Variants in THSD7A observed in about 807,000 individuals in gnomAD.
THSD7A encodes thrombospondin type 1 domain containing 7A.
A neutral mutation model predicts 231.3 loss-of-function variants in THSD7A; 96 were observed. That is an observed-to-expected ratio of 0.41 (90% CI 0.35 to 0.49). The LOEUF is 0.49. Among genes scored for constraint, THSD7A ranks in the 20% least tolerant of loss-of-function variants. THSD7A has a pLI of 0.05. For synonymous variants in THSD7A, 940 were observed against 743.3 expected, an observed-to-expected ratio of 1.26 and a Z score of -4.30; for missense variants, 2,290 against 2,070.2, an observed-to-expected ratio of 1.11 and a Z score of -2.06.
At chr7:11,465,446 G>A (rs1785664902) in intron 9 of THSD7A, among the ~76,000 whole-genome samples, 1 of 151,802 alleles carries the variant, frequency 6.6e-6, no homozygotes, top group Admixed American at 6.6e-5. Flanking sequence ...GTGATGATGG[G>A]GTACACAGAT....
intron 11 of THSD7A, among the ~76,000 whole-genome samples, chr7:11,459,501 C>A (rs1785421424): frequency 6.6e-6 from 1 of 151,892 alleles, no homozygotes; most frequent in African/African-American, 2.4e-5. Flanking sequence ...AAGGGAGTCA[C>A]AGTTATGTTT....
intron 6 of THSD7A, among the ~76,000 whole-genome samples, chr7:11,512,830 T>G: frequency 6.7e-6 from 1 of 148,934 alleles, no homozygotes. Flanking sequence ...CTAATGTAAA[T>G]GACGAGTTAA....
rs58931693 is a variant in THSD7A, at chr7:11,780,997, C to CAAAAAAAAAAAA, written c.190+50748_190+50759dup. ...TGGGCGACAGAGCGAGACTCCGTCTCAAAAAAAAAAAAAAAAAAAAAAAAA... is the reference window on the plus strand; with the variant it reads ...TGGGCGACAGAGCGAGACTCCGTCTCAAAAAAAAAAAAAAAAAAAAAAAAAAAAAAAAAAAAA... On this transcript the variant is annotated intron_variant, in intron 1 of 27. Transcript: ENST00000423059. 1.5e-3 allele frequency among the ~76,000 whole-genome samples: 52 copies of CAAAAAAAAAAAA among 34,448 alleles called. 5 individuals carry two copies. The highest frequency in any genetic ancestry group is 2.0e-3 in the Non-Finnish European group (38 of 18,860). 22.6% of individuals were successfully genotyped at this position (34,448 alleles called of 152,430 possible).
At chr7:11,721,678 A>G (rs1188519435) in intron 1 of THSD7A, among the ~76,000 whole-genome samples, 1 of 151,872 alleles carries the variant, frequency 6.6e-6, no homozygotes, top group Non-Finnish European at 1.5e-5. Flanking sequence ...TCTTACACCT[A>G]GTATTTCTCC....
In THSD7A at chr7:11,800,720, G is replaced by T. The variant is rs540585433; in HGVS notation, c.190+31037C>A. ...GAGAATAGAATTTTGGTTGCCAGGG[G>T]CTGAGGGGAGAGGGAAATGGAGAAT... On this transcript the variant is annotated intron_variant, in intron 1 of 27. Coordinates refer to ENST00000423059, the MANE Select transcript of THSD7A (RefSeq NM_015204.3). Among the ~76,000 whole-genome samples the T allele has an allele frequency of 6.6e-5, 10 of 152,234 alleles. No individual in the cohort carries two copies. The East Asian group carries it at 1.4e-3, about 21-fold the overall frequency.
chr7:11,495,402 G>T (rs1316416949), intron 6 of THSD7A, among the ~76,000 whole-genome samples: 1 of 152,000 alleles, frequency 6.6e-6, no homozygotes, highest in Non-Finnish European at 1.5e-5. Flanking sequence ...AGAAAGAAGA[G>T]AAATAAACAG....
In THSD7A at chr7:11,371,085, T is replaced by A. The variant is rs1277856153; in HGVS notation, c.*4709A>T. The A allele has an allele frequency of 6.6e-6, 1 of 152,208 alleles. No individual in the cohort carries two copies. The highest frequency in any genetic ancestry group is 1.5e-5 in the Non-Finnish European group (1 of 68,030). 9.4% of individuals were successfully genotyped at this position (152,208 alleles called of 1,614,324 possible). ...GACTCCCACAAACTAAAGCTCTTCATATACTGCCCATTTTTAAGATCTGAC... is the reference window on the plus strand; with the variant it reads ...GACTCCCACAAACTAAAGCTCTTCAAATACTGCCCATTTTTAAGATCTGAC... On this transcript the variant is annotated 3_prime_UTR_variant, in exon 28 of 28. Transcript: ENST00000423059.
intron 4 of THSD7A, among the ~76,000 whole-genome samples, chr7:11,573,702 T>A (rs1790752177): frequency 6.6e-6 from 1 of 152,246 alleles, no homozygotes; most frequent in Non-Finnish European, 1.5e-5. Context: ...CTTTGTGATA[T>A]ATTCCTAAAT....
chr7:11,400,789 A>T (rs1783374324), intron 23 of THSD7A, among the ~76,000 whole-genome samples: 2 of 152,160 alleles, frequency 1.3e-5, no homozygotes, highest in South Asian at 2.1e-4. Context: ...CCTACTTTTC[A>T]GTAAGAAAGG....
intron 1 of THSD7A, among the ~76,000 whole-genome samples, chr7:11,830,439 C>T (rs59648978): frequency 0.053 from 8,074 of 152,254 alleles, 334 homozygotes; most frequent in East Asian, 0.21. Context: ...CCCTAGCTTA[C>T]GCTAAATTAG....
At chr7:11,687,480 G>C (rs569690833) in intron 1 of THSD7A, among the ~76,000 whole-genome samples, 5 of 151,864 alleles carry the variant, frequency 3.3e-5, no homozygotes, top group African/African-American at 1.2e-4. Flanking sequence ...GTGAATATGA[G>C]CTCAGACAAC....
intron 24 of THSD7A, among the ~76,000 whole-genome samples, chr7:11,381,653 T>C (rs1782521479): frequency 6.6e-6 from 1 of 152,202 alleles, no homozygotes; most frequent in Non-Finnish European, 1.5e-5. Flanking sequence ...GTTGCTATGC[T>C]ATGGCAATTC....
At chr7:11,714,554 T>G (rs1235806076) in intron 1 of THSD7A, among the ~76,000 whole-genome samples, 2 of 151,318 alleles carry the variant, frequency 1.3e-5, no homozygotes, top group Non-Finnish European at 3.0e-5. Context: ...TAAATGATTC[T>G]GACTCTTCAT....
In THSD7A at chr7:11,510,350, G is replaced by A. The variant is rs192030069; in HGVS notation, c.1823-28368C>T. Among the ~76,000 whole-genome samples, 237 of 152,300 alleles carry A rather than the reference G, an allele frequency of 1.6e-3. 1 individual carries two copies. Among genetic ancestry groups the A allele is most frequent in the African/African-American group, 5.0e-3 (207 of 41,558 alleles). ...AGCCGAATTCTACCAGATGTACAAA[G>A]AGGAGCTGGTACTATTCCTTCTGAA... On this transcript the variant is annotated intron_variant, in intron 6 of 27. Transcript: ENST00000423059.
At chr7:11,479,519 T>C (rs1298598973) in intron 7 of THSD7A, among the ~76,000 whole-genome samples, 1 of 152,208 alleles carries the variant, frequency 6.6e-6, no homozygotes, top group Non-Finnish European at 1.5e-5. Flanking sequence ...TGAAGAATAA[T>C]GGAAAGACTG....
chr7:11,821,696 C>T (rs886715745), intron 1 of THSD7A, among the ~76,000 whole-genome samples: 2 of 152,104 alleles, frequency 1.3e-5, no homozygotes, highest in African/African-American at 4.8e-5. Flanking sequence ...CTCTCTCTGA[C>T]GTCCCCTGTG....
chr7:11,489,026 G>T (rs1786780633), intron 6 of THSD7A, among the ~76,000 whole-genome samples: 1 of 152,084 alleles, frequency 6.6e-6, no homozygotes, highest in Non-Finnish European at 1.5e-5. Flanking sequence ...TAGCATTGCA[G>T]ACATGTCACT....
intron 1 of THSD7A, among the ~76,000 whole-genome samples, chr7:11,751,821 T>C (rs1432335085): frequency 1.3e-5 from 2 of 152,162 alleles, no homozygotes; most frequent in South Asian, 2.1e-4. Flanking sequence ...CCTGGTATTA[T>C]ATGAATCGGT....
chr7:11,811,146 G>A (rs1273924532), intron 1 of THSD7A, among the ~76,000 whole-genome samples: 2 of 152,100 alleles, frequency 1.3e-5, no homozygotes, highest in East Asian at 1.9e-4. Flanking sequence ...TGATTTGTGT[G>A]TAATGTCTCT....
Sources: allele counts gnomAD v4.1 joint callset (sites outside exome capture counted in the v4.1 genomes callset), GRCh38; gene constraint gnomAD v4.1.1; transcripts MANE v1.5; gene names NCBI Gene and HGNC (gene_info 2026-07-23, HGNC 2026-07-21).